DOP1A: variants seen among roughly 807,000 people sequenced by gnomAD.
DOP1A encodes DOP1 leucine zipper like protein A, also known as protein DOP1A.
DOP1A carries 90 observed loss-of-function variants against 267.6 expected under a neutral mutation model. That is an observed-to-expected ratio of 0.34 (90% CI 0.28 to 0.40). DOP1A has a LOEUF of 0.40. DOP1A is among the 10% of genes least tolerant of loss of function. The pLI is 1.00. For synonymous variants in DOP1A, 932 were observed against 999.1 expected, an observed-to-expected ratio of 0.93 and a Z score of 1.27; for missense variants, 2,437 against 2,900.4, an observed-to-expected ratio of 0.84 and a Z score of 3.67.
chr6:83,070,553 A>G (rs757321545), intron 1 of DOP1A, among the ~76,000 whole-genome samples: 1 of 152,214 alleles, frequency 6.6e-6, no homozygotes, highest in Non-Finnish European at 1.5e-5. Context: ...AAGATTTGGA[A>G]GATGCCACCA....
chr6:83,164,683 A>C (rs748567368), intron 38 of DOP1A: 2 of 1,587,592 alleles, frequency 1.3e-6, no homozygotes, highest in Non-Finnish European at 1.7e-6. Flanking sequence ...ACTTTAAGAC[A>C]GTGATTTTGG....
At chr6:83,154,902 C>T (rs895053394) in intron 33 of DOP1A, among the ~76,000 whole-genome samples, 2 of 152,130 alleles carry the variant, frequency 1.3e-5, no homozygotes, top group African/African-American at 2.4e-5. Context: ...ACAGTTTTCT[C>T]ATTTGGAAAA....
chr6:83,069,330 CT>C (rs1785225528), intron 1 of DOP1A, among the ~76,000 whole-genome samples: 1 of 152,122 alleles, frequency 6.6e-6, no homozygotes, highest in South Asian at 2.1e-4. Flanking sequence ...CTAGGTTTAA[CT>C]TTTTTGCTTA....
intron 24 of DOP1A, 98 bp downstream of exon 24, chr6:83,142,144 C>T (rs1779751645): frequency 2.2e-5 from 31 of 1,411,278 alleles, no homozygotes; most frequent in Non-Finnish European, 2.8e-5. Flanking sequence ...GGGGTAGATT[C>T]GAGTGTAAAG....
At chr6:83,086,141 A>G (rs946792615) in intron 1 of DOP1A, among the ~76,000 whole-genome samples, 5 of 152,292 alleles carry the variant, frequency 3.3e-5, no homozygotes, top group African/African-American at 1.2e-4. Context: ...TGACCCATGA[A>G]TCGAAAATCC....
At chr6:83,163,926 A>G (rs1365042686) in intron 38 of DOP1A, among the ~76,000 whole-genome samples, 2 of 151,976 alleles carry the variant, frequency 1.3e-5, no homozygotes, top group Non-Finnish European at 2.9e-5. Flanking sequence ...ATCTTTCAGT[A>G]TGCATCATGC....
At chr6:83,146,037 A>T (rs2128300726) in intron 25 of DOP1A, among the ~76,000 whole-genome samples, 1 of 152,270 alleles carries the variant, frequency 6.6e-6, no homozygotes, top group South Asian at 2.1e-4. Context: ...TTCTGAATGA[A>T]TCTCTTAATT....
At chr6:83,105,557 G>T (rs1171706046) in intron 4 of DOP1A, among the ~76,000 whole-genome samples, 2 of 151,704 alleles carry the variant, frequency 1.3e-5, no homozygotes, top group East Asian at 3.9e-4. Context: ...TAGAGACAGG[G>T]TTTCACTATG....
intron 7 of DOP1A, among the ~76,000 whole-genome samples, chr6:83,114,730 G>T (rs1443857047): frequency 6.6e-6 from 1 of 152,018 alleles, no homozygotes; most frequent in East Asian, 1.9e-4. Context: ...GCTTTTCTCA[G>T]CCTGTACTTT....
rs2273460 is a variant in DOP1A at position 83,158,698 on chromosome 6, G to A, written c.6797+76G>A. ...TATTCAGAATATTACTCAGCATCTA[G>A]GAGAATATAGTCTTTTTCTGAATAC... On this transcript the variant is annotated intron_variant, in intron 36 of 38. Transcript: ENST00000349129. 126 of 967,330 alleles carry A rather than the reference G, an allele frequency of 1.3e-4. No homozygotes were observed. The East Asian group carries it at 3.2e-3, about 25-fold the overall frequency. 59.9% of individuals were successfully genotyped at this position (967,330 alleles called of 1,614,324 possible).
Position 83,138,349 on chromosome 6 carries a change from A to G in DOP1A, c.4307A>G (p.Tyr1436Cys), listed in dbSNP as rs1779147048. ...ATTTCTGTTATGGGCAAAGATTTTTATAGTCACATTCCAGTGGACTCAAAT... is the reference window on the plus strand; with the variant it reads ...ATTTCTGTTATGGGCAAAGATTTTTGTAGTCACATTCCAGTGGACTCAAAT... ...HRISVMGKDF[Y>C]SHIPVDSNHN... Residue 1436 changes from tyrosine (Y) to cysteine (C), a missense_variant, in exon 21 of 39, where the codon TAT (tyrosine) becomes TGT (cysteine). Coordinates refer to ENST00000349129, the MANE Select transcript of DOP1A (RefSeq NM_015018.4). The G allele has an allele frequency of 6.2e-7, 1 of 1,611,360 alleles. No individual in the cohort carries two copies. The highest frequency in any genetic ancestry group is 8.5e-7 in the Non-Finnish European group (1 of 1,179,932).
At position 83,168,097 on chromosome 6, in the gene DOP1A, C is replaced by A. The variant is rs778541213; in HGVS notation, c.7328C>A (p.Ser2443Tyr). The change falls in exon 39 of 39, where the codon TCC becomes TAC. Residue 2443 changes from serine (S) to tyrosine (Y), a missense_variant. By Grantham distance (144) the Ser-to-Tyr change is moderately radical. Around this residue, in one of 9 missense-constraint regions of DOP1A, gnomAD observed 197 missense variants for 246.5 expected, o/e 0.80. Coordinates refer to ENST00000349129, the MANE Select transcript of DOP1A (RefSeq NM_015018.4). ...AAACTGGAGAACCACAAACCATGTT[C>A]CAGCAAAGCCAGGCAAAAAATAGAA... The part of the protein sequence containing the change: ...DMKLENHKPC[S>Y]SKARQKIEEM... The A allele has an allele frequency of 2.0e-5, 33 of 1,613,920 alleles. No homozygotes were observed. Among genetic ancestry groups the A allele is most frequent in the Non-Finnish European group, 2.8e-5 (33 of 1,180,018 alleles).
chr6:83,130,636 T>C (rs186824528), intron 17 of DOP1A, among the ~76,000 whole-genome samples: 124 of 152,194 alleles, frequency 8.1e-4, no homozygotes, highest in African/African-American at 2.5e-3. Flanking sequence ...AATATTAGGA[T>C]AAAGAAAGAG....
chr6:83,170,814 A>G (rs1786934068), downstream of DOP1A: 1 of 178,876 alleles, frequency 5.6e-6, no homozygotes, highest in Non-Finnish European at 1.2e-5. Flanking sequence ...AGAATTTCTT[A>G]AATATGCCAA....
chr6:83,129,535 T>C (rs1241384956), intron 16 of DOP1A, 27 bp downstream of exon 16: 1 of 1,483,610 alleles, frequency 6.7e-7, no homozygotes, highest in East Asian at 2.4e-5. Context: ...TTTGCTTATA[T>C]TTCAGTATTG....
chr6:83,158,123 C>G (rs962114638), intron 35 of DOP1A, among the ~76,000 whole-genome samples: 2 of 152,004 alleles, frequency 1.3e-5, no homozygotes, highest in Admixed American at 6.6e-5. Flanking sequence ...CTCAGCCTCC[C>G]GAGTAGCTGG....
At chr6:83,115,705 C>T (rs547233083) in intron 7 of DOP1A, among the ~76,000 whole-genome samples, 1 of 152,094 alleles carries the variant, frequency 6.6e-6, no homozygotes, top group Non-Finnish European at 1.5e-5. Flanking sequence ...AGCCTGGCGA[C>T]AGAGCAAGAC....
chr6:83,139,284 G>T (rs1364062712), intron 21 of DOP1A, 122 bp downstream of exon 21: 1 of 723,994 alleles, frequency 1.4e-6, no homozygotes, highest in Non-Finnish European at 2.2e-6. Context: ...GTTACAAATA[G>T]TGTATTACTT....
rs1777821983 is a variant in DOP1A, at chr6:83,130,361, T to C, written c.2580T>C (p.Asn860=). The change falls in exon 17 of 39, where the codon AAT becomes AAC. Residue 860 remains asparagine (N), a synonymous_variant. Coordinates refer to ENST00000349129, the MANE Select transcript of DOP1A (RefSeq NM_015018.4). ...TTAGACCTCCCCTCACTCAGGGCAATCTGAGGTACATAGCTGAGAAGACTG... is the reference window on the plus strand; with the variant it reads ...TTAGACCTCCCCTCACTCAGGGCAACCTGAGGTACATAGCTGAGAAGACTG... ...VVIRPPLTQG[N]LRYIAEKTEF... is the part of the protein sequence containing the mutation. 1.2e-6 allele frequency: 2 copies of C among 1,614,006 alleles called. No individual in the cohort carries two copies. The highest frequency in any genetic ancestry group is 4.5e-5 in the East Asian group (2 of 44,884).
Sources: allele counts gnomAD v4.1 joint callset (sites outside exome capture counted in the v4.1 genomes callset), GRCh38; gene constraint gnomAD v4.1.1; regional missense constraint gnomAD v4.1.1; transcripts MANE v1.5; gene names NCBI Gene and HGNC (gene_info 2026-07-23, HGNC 2026-07-21).